Variants in RBM41 observed in about 807,000 individuals in gnomAD.
RBM41 encodes the protein RNA binding motif protein 41, also known as RNA-binding protein 41.
RBM41 carries 14 observed loss-of-function variants against 30.8 expected under a neutral mutation model. That is an observed-to-expected ratio of 0.45 (90% CI 0.30 to 0.71). RBM41 has a LOEUF of 0.71. RBM41 is among the 30% of genes least tolerant of loss of function. RBM41 has a pLI of 0.08. For synonymous variants in RBM41, 120 were observed against 110.1 expected, an observed-to-expected ratio of 1.09 and a Z score of -0.56; for missense variants, 276 against 326.3, an observed-to-expected ratio of 0.85 and a Z score of 1.19.
the RBM41 span, among the ~76,000 whole-genome samples, chrX:107,054,539 GCTTT>G: frequency 4.5e-5 from 5 of 111,797 alleles, no homozygotes; most frequent in Non-Finnish European, 9.4e-5. Context: ...AATGGTATTG[GCTTT>G]CTGAGTTTCC....
intron 6 of RBM41, 97 bp from the exon 7 acceptor site, chrX:107,069,499 G>A: frequency 1.0e-6 from 1 of 980,230 alleles, no homozygotes; most frequent in Admixed American, 3.1e-5. Flanking sequence ...CTGTCACCCA[G>A]GCTGGAGTGC....
At chrX:107,072,235 A>G (rs1232393679) in intron 6 of RBM41, among the ~76,000 whole-genome samples, 1 of 90,328 alleles carries the variant, frequency 1.1e-5, no homozygotes, top group Non-Finnish European at 2.0e-5. Context: ...ATAGAGAAAA[A>G]CCTAAAAAAA....
intron 3 of RBM41, 37 bp downstream of exon 3, chrX:107,115,825 G>T: frequency 8.8e-7 from 1 of 1,130,870 alleles, no homozygotes; most frequent in African/African-American, 1.8e-5. Flanking sequence ...TTTCTTTGAG[G>T]AGAAAAACCA....
Position 107,095,720 on chromosome X carries a change from T to C in RBM41, c.596-6881A>G, listed in dbSNP as rs137947416. Among the ~76,000 whole-genome samples the C allele has an allele frequency of 7.2e-5, 8 of 111,288 alleles. No homozygotes were observed. In the East Asian group the frequency reaches 2.3e-3, roughly 32 times the overall value. The stretch of plus-strand genomic sequence containing the variant: ...TGAAAATCATTAAAATGCTTAGAAA[T>C]AAATTCAAAAGGCTGGGTGTGGTGG... On this transcript the variant is annotated intron_variant, in intron 5 of 7. Coordinates refer to ENST00000685964, the MANE Select transcript of RBM41 (RefSeq NM_001324242.2).
chrX:107,075,275 T>C (rs942938404), intron 6 of RBM41, among the ~76,000 whole-genome samples: 1 of 112,191 alleles, frequency 8.9e-6, no homozygotes, highest in African/African-American at 3.2e-5. Flanking sequence ...GATTAAAGAT[T>C]TAAATATACG....
At chrX:107,103,355 G>T (rs1327832958) in intron 5 of RBM41, among the ~76,000 whole-genome samples, 1 of 111,032 alleles carries the variant, frequency 9.0e-6, no homozygotes, top group African/African-American at 3.3e-5. Flanking sequence ...TGAAAACACA[G>T]ATACATGAGA....
At chrX:107,104,088 C>A (rs1245595485) in intron 5 of RBM41, among the ~76,000 whole-genome samples, 1 of 109,704 alleles carries the variant, frequency 9.1e-6, no homozygotes, top group Non-Finnish European at 1.9e-5. Flanking sequence ...CCCTCCCCTA[C>A]CCCCCCGCCA....
rs373714123 is a variant in RBM41 at position 107,093,214 on chromosome X, A to T, written c.596-4375T>A. ...AAAAAAAATACAAGATAAGATTGGAAGAGCTATGGGGTGGTTGTAATTTTT... is the reference window on the plus strand; with the variant it reads ...AAAAAAAATACAAGATAAGATTGGATGAGCTATGGGGTGGTTGTAATTTTT... On this transcript the variant is annotated intron_variant, in intron 5 of 7. Coordinates refer to ENST00000685964, the MANE Select transcript of RBM41 (RefSeq NM_001324242.2). Among the ~76,000 whole-genome samples, 9 of 111,623 alleles carry T rather than the reference A, an allele frequency of 8.1e-5. No homozygotes were observed. In the East Asian group the frequency reaches 8.4e-4, roughly 10 times the overall value.
intron 6 of RBM41, among the ~76,000 whole-genome samples, chrX:107,076,804 T>C (rs1936245405): frequency 9.0e-6 from 1 of 111,540 alleles, no homozygotes; most frequent in Non-Finnish European, 1.9e-5. Context: ...AAAGGAACTA[T>C]GGAAGAATTC....
chrX:107,085,943 G>A (rs1921998376), intron 6 of RBM41, among the ~76,000 whole-genome samples: 1 of 111,716 alleles, frequency 9.0e-6, no homozygotes, highest in Admixed American at 9.5e-5. Context: ...AAAGATATTT[G>A]CTAAACAACA....
At chrX:107,096,414 A>G (rs1351992832) in intron 5 of RBM41, among the ~76,000 whole-genome samples, 1 of 112,439 alleles carries the variant, frequency 8.9e-6, no homozygotes, top group Non-Finnish European at 1.9e-5. Context: ...GGATAGGCAT[A>G]TAGATCAATG....
chrX:107,070,143 C>T (rs925166307), intron 6 of RBM41: 5 of 295,755 alleles, frequency 1.7e-5, no homozygotes, highest in Admixed American at 1.6e-4. Context: ...CAGTTGAAGG[C>T]TGTCTAAAAG....
chrX:107,101,493 G>A (rs766937868), intron 5 of RBM41, among the ~76,000 whole-genome samples: 7 of 111,240 alleles, frequency 6.3e-5, no homozygotes, highest in African/African-American at 2.0e-4. Flanking sequence ...CTTATAAGAA[G>A]GACATGTGAA....
At chrX:107,095,739 G>A (rs1215477640) in intron 5 of RBM41, among the ~76,000 whole-genome samples, 2 of 111,751 alleles carry the variant, frequency 1.8e-5, no homozygotes, top group Non-Finnish European at 3.8e-5. Flanking sequence ...AAGGCTGGGT[G>A]TGGTGGCTCA....
At chrX:107,108,365 G>A (rs1924185313) in intron 5 of RBM41, among the ~76,000 whole-genome samples, 2 of 111,467 alleles carry the variant, frequency 1.8e-5, no homozygotes, top group African/African-American at 6.5e-5. Context: ...ACTTCACTCC[G>A]TGACTCCCAT....
At chrX:107,059,890 T>C (rs1935612811), downstream of RBM41, among the ~76,000 whole-genome samples, 1 of 111,802 alleles carries the variant, frequency 8.9e-6, no homozygotes, top group Non-Finnish European at 1.9e-5. Context: ...GGTTAAAAAA[T>C]GACAACTCAA....
At chrX:107,097,618 G>A (rs1389340982) in intron 5 of RBM41, among the ~76,000 whole-genome samples, 5 of 111,691 alleles carry the variant, frequency 4.5e-5, no homozygotes, top group Non-Finnish European at 7.5e-5. Flanking sequence ...CCTCAGCCAC[G>A]CAGAACTGTG....
At chrX:107,058,173 A>G (rs765253297), downstream of RBM41, among the ~76,000 whole-genome samples, 1 of 108,968 alleles carries the variant, frequency 9.2e-6, no homozygotes, top group African/African-American at 3.3e-5. Flanking sequence ...CACACCTGTA[A>G]TCCCAGCTAC....
intron 5 of RBM41, among the ~76,000 whole-genome samples, chrX:107,108,536 GA>G (rs1924197409): frequency 1.8e-5 from 2 of 111,261 alleles, no homozygotes; most frequent in South Asian, 7.5e-4. Context: ...AAATGAAGAG[GA>G]AAAAAACATT....
Sources: gnomAD v4.1 joint callset for allele counts (sites outside exome capture counted in the v4.1 genomes callset) on GRCh38, gnomAD v4.1.1 for gene constraint, MANE v1.5 for transcripts, NCBI Gene and HGNC (gene_info 2026-07-23, HGNC 2026-07-21) for gene names.